FLYWCH1: variants seen among roughly 807,000 people sequenced by gnomAD.
The protein encoded by FLYWCH1 is FLYWCH-type zinc finger-containing protein 1.
FLYWCH1 carries 75 observed loss-of-function variants against 66.4 expected under a neutral mutation model. That is an observed-to-expected ratio of 1.13 (90% CI 0.94 to 1.37). The LOEUF (loss-of-function observed/expected upper bound fraction) is 1.37. Among genes scored for constraint, FLYWCH1 ranks in the 40% most tolerant of loss-of-function variants. FLYWCH1 has a pLI of 0.00. For missense variants in FLYWCH1, 1,334 were observed against 1,001.8 expected (o/e 1.33, Z -4.48); for synonymous variants, 595 against 429.9 (o/e 1.38, Z -4.75).
intron 8 of FLYWCH1, 111 bp downstream of exon 8, chr16:2,938,567 C>A: frequency 1.3e-5 from 11 of 830,798 alleles, no homozygotes; most frequent in Non-Finnish European, 1.4e-5. Context: ...TTTGTGCACA[C>A]ACAAATTATT....
rs549342421 is a variant in FLYWCH1, at chr16:2,938,977, G to A, written c.2050+521G>A. On this transcript the variant is annotated intron_variant, in intron 8 of 9. Coordinates refer to ENST00000253928, the MANE Select transcript of FLYWCH1 (RefSeq NM_001308068.2). ...GGCTGGAGTGCAATGGAGCCATCTT[G>A]GCTCACTGCAACCTCTGCCTCCTGG... Among the ~76,000 whole-genome samples the A allele has an allele frequency of 3.3e-5, 5 of 151,400 alleles. No individual in the cohort carries two copies. The South Asian group carries it at 1.0e-3, about 32-fold the overall frequency.
intron 8 of FLYWCH1, chr16:2,939,812 C>G (rs2071184367): frequency 2.2e-6 from 1 of 452,388 alleles, no homozygotes; most frequent in Non-Finnish European, 3.9e-6. Context: ...TTGACCCCCA[C>G]TATTTTCCAT....
chr16:2,932,250 G>A (rs115133788), intron 4 of FLYWCH1, among the ~76,000 whole-genome samples: 7,301 of 143,500 alleles, frequency 0.051, 252 homozygotes, highest in Middle Eastern at 0.11. Context: ...CAGCCTGGGC[G>A]ACGTGGCAGG....
chr16:2,942,720 C>CTTTTTTTTTT (rs34247000), intron 9 of FLYWCH1, among the ~76,000 whole-genome samples: 6 of 82,784 alleles, frequency 7.2e-5, no homozygotes, highest in African/African-American at 2.0e-4. Context: ...CATCTGGGAA[C>CTTTTTTTTTT]TTTTTTTTTT....
At chr16:2,927,295 A>G (rs1310115317) in intron 2 of FLYWCH1, among the ~76,000 whole-genome samples, 1 of 152,178 alleles carries the variant, frequency 6.6e-6, no homozygotes, top group Admixed American at 6.5e-5. Context: ...GGAGATCTTG[A>G]GGCGTGGCAG....
intron 2 of FLYWCH1, among the ~76,000 whole-genome samples, chr16:2,919,455 G>A (rs112786955): frequency 1.1e-3 from 173 of 151,650 alleles, no homozygotes; most frequent in African/African-American, 3.8e-3. Context: ...TAGTAGAGAC[G>A]GGGTTTCACC....
intron 4 of FLYWCH1, among the ~76,000 whole-genome samples, chr16:2,931,970 T>A (rs117429933): frequency 2.0e-5 from 3 of 151,828 alleles, no homozygotes; most frequent in African/African-American, 7.3e-5. Context: ...AAAAAAAGAT[T>A]AGCCAGGCGT....
intron 2 of FLYWCH1, among the ~76,000 whole-genome samples, chr16:2,920,777 G>T (rs1008882617): frequency 1.1e-4 from 16 of 151,452 alleles, no homozygotes; most frequent in Admixed American, 2.0e-4. Flanking sequence ...CCCACCTCAG[G>T]TGATCTGCCC....
At chr16:2,934,098 C>G in intron 6 of FLYWCH1, 119 bp downstream of exon 6, 3 of 1,231,448 alleles carry the variant, frequency 2.4e-6, no homozygotes, top group South Asian at 1.6e-5. Context: ...TTTGAACATC[C>G]TAGAAGGAAC....
At position 2,933,775 on chromosome 16, in the gene FLYWCH1, C is replaced by T. The variant is rs1341452319; in HGVS notation, c.1309C>T (p.Leu437Phe). 1.9e-6 allele frequency: 3 copies of T among 1,613,188 alleles called. No homozygotes were observed. In the South Asian group the frequency reaches 3.3e-5, roughly 18 times the overall value. The change falls in exon 6 of 10, where the codon CTC becomes TTC. Residue 437 changes from leucine (L) to phenylalanine (F), a missense_variant. Leu to Phe is a conservative substitution (Grantham distance 22). Transcript: ENST00000253928. The part of the protein sequence containing the change: ...GGSFLVYESF[L>F]YRREKAAGEK... ...CAGCTTCCTGGTGTACGAGTCCTTC[C>T]TCTACCGGCGGGAGAAGGCGGCTGG...
At chr16:2,919,357 CT>C (rs1325235042) in intron 2 of FLYWCH1, among the ~76,000 whole-genome samples, 2 of 151,938 alleles carry the variant, frequency 1.3e-5, no homozygotes, top group East Asian at 3.9e-4. Flanking sequence ...CCTCTGCCCC[CT>C]GGGTTCAAGC....
rs552667126 is a variant in FLYWCH1, at chr16:2,925,338, A to G, written c.-73-4275A>G. On this transcript the variant is annotated intron_variant, in intron 2 of 9. Transcript: ENST00000253928. Reference sequence around the variant, plus strand: ...CAAGGAACTGCCACGTCCATCGTCCATCCATTCCCATACATCCCGGTTCAT... The same window carrying G: ...CAAGGAACTGCCACGTCCATCGTCCGTCCATTCCCATACATCCCGGTTCAT... Among the ~76,000 whole-genome samples the G allele has an allele frequency of 7.9e-5, 12 of 152,054 alleles. No homozygotes were observed. The East Asian group carries it at 2.3e-3, about 30-fold the overall frequency.
At chr16:2,940,502 C>G (rs1013321727) in intron 9 of FLYWCH1, among the ~76,000 whole-genome samples, 22 of 152,198 alleles carry the variant, frequency 1.4e-4, no homozygotes, top group African/African-American at 5.3e-4. Context: ...GCGGCATGAT[C>G]TCAGCTCACT....
Position 2,930,391 on chromosome 16 carries a change from A to T in FLYWCH1, c.326-19A>T, listed in dbSNP as rs549931339. On this transcript the variant is annotated intron_variant, in intron 3 of 9. Transcript: ENST00000253928. Reference sequence around the variant, plus strand: ...AGCTTTGCTCTAGCTTAGCTAACCTAGCCTTCCCGTTCCCCCAGCAGCCCC... The same window carrying T: ...AGCTTTGCTCTAGCTTAGCTAACCTTGCCTTCCCGTTCCCCCAGCAGCCCC... The T allele has an allele frequency of 5.8e-5, 81 of 1,407,486 alleles. 2 individuals are homozygous for T. The South Asian group carries it at 1.2e-3, about 20-fold the overall frequency. 87.2% of individuals were successfully genotyped at this position (1,407,486 alleles called of 1,614,324 possible). A position where few individuals can be genotyped will look rare whatever the true frequency, so the allele number is the denominator to read the frequency against.
Position 2,933,422 on chromosome 16 carries a change from C to T in FLYWCH1, c.1089C>T (p.Asp363=), listed in dbSNP as rs747990377. Residue 363 remains aspartate, a synonymous_variant, in exon 5 of 10, where the codon GAC becomes GAT. Transcript: ENST00000253928. ...AGGACGGCCCTGGGAGCCAAGTGGACACGCTGCTCCGAGGCGTGGATAGTT... is the reference window on the plus strand; with the variant it reads ...AGGACGGCCCTGGGAGCCAAGTGGATACGCTGCTCCGAGGCGTGGATAGTT... ...AGQDGPGSQV[D]TLLRGVDSLL... The T allele has an allele frequency of 6.2e-7, 1 of 1,601,090 alleles. No homozygotes were observed. Among genetic ancestry groups the T allele is most frequent in the South Asian group, 1.1e-5 (1 of 89,226 alleles).
intron 2 of FLYWCH1, among the ~76,000 whole-genome samples, chr16:2,918,701 A>G (rs545345105): frequency 2.6e-5 from 4 of 152,276 alleles, no homozygotes; most frequent in African/African-American, 7.2e-5. Flanking sequence ...TCGGCCTCCC[A>G]AAGTGCTGGG....
chr16:2,914,429 G>T (rs1046646170), intron 2 of FLYWCH1, 140 bp downstream of exon 2: 1 of 152,248 alleles, frequency 6.6e-6, no homozygotes, highest in African/African-American at 2.4e-5. Flanking sequence ...GAGCCCTTGT[G>T]GTCACCAGCA....
At chr16:2,917,929 T>G (rs1482486594) in intron 2 of FLYWCH1, among the ~76,000 whole-genome samples, 2 of 150,200 alleles carry the variant, frequency 1.3e-5, no homozygotes, top group Non-Finnish European at 3.0e-5. Context: ...CTCCACTTCC[T>G]GGGTTCAAGC....
rs541355586 is a variant in FLYWCH1 at position 2,933,471 on chromosome 16, C to G, written c.1138C>G (p.Pro380Ala). 1.9e-6 allele frequency: 3 copies of G among 1,604,486 alleles called. No individual in the cohort carries two copies. Among genetic ancestry groups the G allele is most frequent in the South Asian group, 2.2e-5 (2 of 89,658 alleles). ...TTTGCTCTACCGCAGGGGTCCGGGT[C>G]CCCTGACTCTCACCAGGCCTCGGCC... ...DSLLYRRGPGPLTLTRPRPRK... is the reference protein window; with the variant it reads ...DSLLYRRGPGALTLTRPRPRK... Residue 380 changes from proline (P) to alanine (A), a missense_variant, in exon 5 of 10, where the codon CCC becomes GCC. By Grantham distance (27) the Pro-to-Ala change is conservative (BLOSUM62 -1). Transcript: ENST00000253928.
Sources: gnomAD v4.1 joint callset for allele counts (sites outside exome capture counted in the v4.1 genomes callset) on GRCh38, gnomAD v4.1.1 for gene constraint, MANE v1.5 for transcripts, NCBI Gene and HGNC (gene_info 2026-07-23, HGNC 2026-07-21) for gene names.